The following UNC80 variants were observed in gnomAD, a reference collection of about 807,000 sequenced individuals.
The protein encoded by UNC80 is protein unc-80 homolog.
Under a neutral mutation model 384.6 loss-of-function variants are expected in UNC80, and 164 were observed. That is an observed-to-expected ratio of 0.43 (90% CI 0.38 to 0.49). UNC80 has a LOEUF of 0.49. UNC80 is among the 20% of genes least tolerant of loss of function. The pLI is 0.00. For missense variants in UNC80, 3,330 were observed against 4,143.0 expected, an observed-to-expected ratio of 0.80 and a Z score of 5.39; for synonymous variants, 1,486 against 1,527.8, an observed-to-expected ratio of 0.97 and a Z score of 0.64.
In UNC80 at chr2:209,970,867, T is replaced by A. The variant is rs199923534; in HGVS notation, c.8166T>A (p.Asp2722Glu). Residue 2722 changes from aspartate to glutamate, a missense_variant, in exon 54 of 65, where the codon GAT (aspartate) becomes GAA (glutamate). Around this residue, in one of 8 missense-constraint regions of UNC80, gnomAD observed 1,049 missense variants for 1,488.6 expected, o/e 0.70. Coordinates refer to ENST00000673920, the MANE Select transcript of UNC80 (RefSeq NM_001371986.1). ...MGVVGPSSVA[D>E]GLPLLHLSPY... ...TGGTAGGACCTTCCAGTGTTGCTGA[T>A]GGATTACCCCTTCTTCATCTCAGCC... The A allele has an allele frequency of 6.4e-7, 1 of 1,551,754 alleles. No individual in the cohort carries two copies. The highest frequency in any genetic ancestry group is 1.4e-5 in the African/African-American group (1 of 73,174).
chr2:209,922,330 A>G lies in UNC80; in HGVS notation c.5609A>G (p.Tyr1870Cys). ...ACCTCCAGCACTTCCCACAGGAATT[A>G]TTCCTTCCGCCGCGGGTCAGTCTGG... ...SCTSSTSHRN[Y>C]SFRRGSVWSV... Residue 1870 changes from tyrosine to cysteine, a missense_variant, in exon 35 of 65, where the codon TAT becomes TGT. Tyr to Cys is a radical substitution (Grantham distance 194, BLOSUM62 -2). Transcript: ENST00000673920. 1.3e-6 allele frequency: 2 copies of G among 1,552,002 alleles called. No individual in the cohort carries two copies. The highest frequency in any genetic ancestry group is 1.7e-6 in the Non-Finnish European group (2 of 1,147,024).
At chr2:209,929,329 G>A (rs1004095953) in intron 36 of UNC80, among the ~76,000 whole-genome samples, 1 of 151,970 alleles carries the variant, frequency 6.6e-6, no homozygotes, top group Middle Eastern at 3.2e-3. Flanking sequence ...TTCTCATTAG[G>A]ATTAATTATT....
intron 22 of UNC80, among the ~76,000 whole-genome samples, chr2:209,853,140 G>GA (rs960330353): frequency 1.8e-4 from 28 of 152,092 alleles, no homozygotes; most frequent in African/African-American, 6.3e-4. Context: ...AGGAGGAGGG[G>GA]AAAAATGAAT....
chr2:209,881,938 C>A (rs2124897345), intron 25 of UNC80, among the ~76,000 whole-genome samples: 1 of 150,676 alleles, frequency 6.6e-6, no homozygotes, highest in African/African-American at 2.4e-5. Context: ...GCAAATTTTA[C>A]AATCCACAAT....
intron 61 of UNC80, among the ~76,000 whole-genome samples, chr2:209,990,769 G>A (rs1230485534): frequency 6.6e-6 from 1 of 152,150 alleles, no homozygotes; most frequent in African/African-American, 2.4e-5. Flanking sequence ...TATGTATAAG[G>A]ATAATGCACA....
chr2:209,915,499 C>T (rs1266718152), intron 31 of UNC80, among the ~76,000 whole-genome samples: 1 of 151,330 alleles, frequency 6.6e-6, no homozygotes. Context: ...ACATGGCTAG[C>T]ATGGCTTTTG....
At chr2:209,844,499 CCTT>C (rs2082029389) in intron 21 of UNC80, among the ~76,000 whole-genome samples, 2 of 111,130 alleles carry the variant, frequency 1.8e-5, no homozygotes, top group African/African-American at 7.9e-5. Context: ...TTCCTTCCTT[CCTT>C]CCTTCCTTCC....
intron 42 of UNC80, among the ~76,000 whole-genome samples, 198 bp from the exon 43 acceptor site, chr2:209,939,274 A>G (rs929640861): frequency 1.3e-5 from 2 of 152,222 alleles, no homozygotes; most frequent in Admixed American, 1.3e-4. Flanking sequence ...GGCAGAAGGA[A>G]GTAAGAGGCA....
intron 27 of UNC80, among the ~76,000 whole-genome samples, chr2:209,894,795 A>G (rs775439656): frequency 2.3e-4 from 35 of 152,196 alleles, no homozygotes; most frequent in Admixed American, 2.6e-4. Context: ...AGAACATTCA[A>G]TGTCAAATGT....
At chr2:209,825,784 C>T (rs187416944) in intron 13 of UNC80, 123 bp from the exon 14 acceptor site, 3 of 888,380 alleles carry the variant, frequency 3.4e-6, no homozygotes, top group African/African-American at 3.5e-5. Context: ...TTCTGTTTTC[C>T]AAATTGCAGG....
intron 23 of UNC80, 128 bp downstream of exon 23, chr2:209,873,098 C>T: frequency 6.0e-6 from 5 of 830,630 alleles, no homozygotes; most frequent in Non-Finnish European, 7.4e-6. Context: ...CTGAAGGAAA[C>T]ACTTTGGGAA....
intron 4 of UNC80, among the ~76,000 whole-genome samples, chr2:209,778,142 C>T (rs1048220315): frequency 6.6e-6 from 1 of 152,200 alleles, no homozygotes; most frequent in East Asian, 1.9e-4. Context: ...GTGGCTCACA[C>T]CTGTAATCCC....
At position 209,860,594 on chromosome 2, in the gene UNC80, G is replaced by C. The variant is rs565637383; in HGVS notation, c.3627+10971G>C. The stretch of plus-strand genomic sequence containing the variant: ...TTCTAATTCTGTGAAGAATGTCAAT[G>C]GTTATTTGATGGGAATAGCATTGAA... On this transcript the variant is annotated intron_variant, in intron 22 of 64. Transcript: ENST00000673920. Among the ~76,000 whole-genome samples, 6 of 152,276 alleles carry C rather than the reference G, an allele frequency of 3.9e-5. No homozygotes were observed. In the South Asian group the frequency reaches 1.2e-3, roughly 32 times the overall value.
chr2:209,898,986 G>A (rs140750354), intron 28 of UNC80, among the ~76,000 whole-genome samples: 1 of 152,264 alleles, frequency 6.6e-6, no homozygotes, highest in Non-Finnish European at 1.5e-5. Context: ...ACTCTATTGT[G>A]TATATGTACC....
chr2:209,916,033 A>C (rs1204255273), intron 31 of UNC80, among the ~76,000 whole-genome samples: 1 of 152,124 alleles, frequency 6.6e-6, no homozygotes, highest in Non-Finnish European at 1.5e-5. Context: ...TAAATTTTTA[A>C]TTTTTTTCAA....
At position 209,810,018 on chromosome 2, in the gene UNC80, G is replaced by A. The variant is rs143000870; in HGVS notation, c.939-3562G>A. ...CGAAGGAGCCCTCAGGCCACCCTCC[G>A]CGAGGTTTGACTATGCAATAATCCA... On this transcript the variant is annotated intron_variant, in intron 7 of 64. Coordinates refer to ENST00000673920, the MANE Select transcript of UNC80 (RefSeq NM_001371986.1). Among the ~76,000 whole-genome samples, 36 of 152,286 alleles carry A rather than the reference G, an allele frequency of 2.4e-4. No individual in the cohort carries two copies. In the East Asian group the frequency reaches 4.1e-3, roughly 17 times the overall value.
intron 40 of UNC80, among the ~76,000 whole-genome samples, chr2:209,936,081 A>G (rs1031024097): frequency 6.6e-6 from 1 of 152,176 alleles, no homozygotes; most frequent in Non-Finnish European, 1.5e-5. Flanking sequence ...ACCTTTGGAA[A>G]AAAAATCAAC....
At chr2:209,984,147 A>C (rs1248492403) in intron 60 of UNC80, among the ~76,000 whole-genome samples, 2 of 152,250 alleles carry the variant, frequency 1.3e-5, no homozygotes, top group African/African-American at 4.8e-5. Flanking sequence ...CTACATACAT[A>C]TCAATCAATC....
At chr2:209,989,589 T>C (rs1039715983) in intron 61 of UNC80, among the ~76,000 whole-genome samples, 4 of 152,214 alleles carry the variant, frequency 2.6e-5, no homozygotes, top group Admixed American at 6.5e-5. Flanking sequence ...GCAGTTGTAG[T>C]ACGTAGGGAC....
Sources: gnomAD v4.1 joint callset for allele counts (sites outside exome capture counted in the v4.1 genomes callset) on GRCh38, gnomAD v4.1.1 for gene constraint, gnomAD v4.1.1 regional missense constraint, MANE v1.5 for transcripts, NCBI Gene and HGNC (gene_info 2026-07-23, HGNC 2026-07-21) for gene names.